Variants in KCNMB2 observed in about 807,000 individuals in gnomAD.
KCNMB2 encodes calcium-activated potassium channel subunit beta-2.
A neutral mutation model predicts 24.5 loss-of-function variants in KCNMB2; 9 were observed. That is an observed-to-expected ratio of 0.37 (90% CI 0.22 to 0.64). The LOEUF (loss-of-function observed/expected upper bound fraction) is 0.64. KCNMB2 is among the 30% of genes least tolerant of loss of function. The pLI is 0.63. For missense variants in KCNMB2, 226 were observed against 284.3 expected, an observed-to-expected ratio of 0.79 and a Z score of 1.47; for synonymous variants, 109 against 104.4, an observed-to-expected ratio of 1.04 and a Z score of -0.27.
intron 1 of KCNMB2, among the ~76,000 whole-genome samples, chr3:178,568,769 TAGATGATA>T (rs1188794963): frequency 3.9e-5 from 5 of 127,652 alleles, no homozygotes; most frequent in Admixed American, 3.0e-4. Context: ...GATAGATAGA[TAGATGATA>T]GATAGATAGA....
rs145783780 is a variant in KCNMB2, at chr3:178,831,137, G to A, written c.423+2764G>A. Among the ~76,000 whole-genome samples, 1,081 of 151,948 alleles carry A rather than the reference G, an allele frequency of 7.1e-3. 10 individuals are homozygous for A. Among genetic ancestry groups the A allele is most frequent in the Admixed American group, 0.024 (367 of 15,244 alleles). Reference sequence around the variant, plus strand: ...TTTGTTTTTTCATATGGACACCCACGTGCTCCAGTCCATTTTTGAAGAGAT... The same window carrying A: ...TTTGTTTTTTCATATGGACACCCACATGCTCCAGTCCATTTTTGAAGAGAT... On this transcript the variant is annotated intron_variant, in intron 4 of 4. Coordinates refer to ENST00000452583, the MANE Select transcript of KCNMB2 (RefSeq NM_181361.3).
chr3:178,611,309 G>A (rs1299897667), intron 1 of KCNMB2, among the ~76,000 whole-genome samples: 1 of 152,084 alleles, frequency 6.6e-6, no homozygotes, highest in Non-Finnish European at 1.5e-5. Flanking sequence ...AGTATCAGTT[G>A]TAATACCTTC....
At chr3:178,651,722 T>A (rs1720128379) in intron 1 of KCNMB2, among the ~76,000 whole-genome samples, 1 of 151,934 alleles carries the variant, frequency 6.6e-6, no homozygotes, top group South Asian at 2.1e-4. Flanking sequence ...CCAAAACAGA[T>A]AAATAGAACA....
intron 2 of KCNMB2, among the ~76,000 whole-genome samples, chr3:178,817,842 G>A (rs558831457): frequency 6.6e-6 from 1 of 152,116 alleles, no homozygotes. Context: ...TATGCTTGTT[G>A]TAGCCAGTCT....
At chr3:178,766,637 T>G (rs149322092) in intron 1 of KCNMB2, among the ~76,000 whole-genome samples, 1 of 152,260 alleles carries the variant, frequency 6.6e-6, no homozygotes, top group African/African-American at 2.4e-5. Flanking sequence ...CCCAACTAGA[T>G]TTTAAGTGTT....
At chr3:178,691,087 A>G (rs565062423) in intron 1 of KCNMB2, among the ~76,000 whole-genome samples, 3 of 121,342 alleles carry the variant, frequency 2.5e-5, no homozygotes, top group Non-Finnish European at 5.2e-5. Context: ...ACAGGTGTAC[A>G]GCATAATTCC....
intron 1 of KCNMB2, among the ~76,000 whole-genome samples, chr3:178,779,621 A>G (rs564478833): frequency 4.6e-5 from 7 of 152,236 alleles, no homozygotes; most frequent in African/African-American, 1.4e-4. Flanking sequence ...CTCAGTATCA[A>G]TTTTGCTGAC....
Position 178,776,109 on chromosome 3 carries a change from T to C in KCNMB2, c.-67-31234T>C, listed in dbSNP as rs115192317. On this transcript the variant is annotated intron_variant, in intron 1 of 4. Coordinates refer to ENST00000452583, the MANE Select transcript of KCNMB2 (RefSeq NM_181361.3). The stretch of plus-strand genomic sequence containing the variant: ...TTTCCCCAAGTGTCTTCTTTGTCAT[T>C]TTCTTTACCTTTCCCAACCACTCCC... Among the ~76,000 whole-genome samples, 717 of 152,230 alleles carry C rather than the reference T, an allele frequency of 4.7e-3. 4 individuals are homozygous for C. The highest frequency in any genetic ancestry group is 0.016 in the African/African-American group (675 of 41,522).
intron 1 of KCNMB2, among the ~76,000 whole-genome samples, chr3:178,644,771 A>G (rs547402578): frequency 6.6e-6 from 1 of 152,338 alleles, no homozygotes; most frequent in South Asian, 2.1e-4. Context: ...GCGAACTTGG[A>G]GTCACACAAT....
chr3:178,741,335 A>G (rs1351599401), intron 1 of KCNMB2, among the ~76,000 whole-genome samples: 1 of 152,236 alleles, frequency 6.6e-6, no homozygotes, highest in Non-Finnish European at 1.5e-5. Context: ...CACCTAGCAC[A>G]CTGTATGGCT....
chr3:178,695,525 A>T (rs572551697), intron 1 of KCNMB2, among the ~76,000 whole-genome samples: 5 of 152,084 alleles, frequency 3.3e-5, no homozygotes, highest in African/African-American at 1.2e-4. Flanking sequence ...GCTGCTTGTA[A>T]ATTTCTTCCT....
chr3:178,568,887 GAT>G (rs1716663098), intron 1 of KCNMB2, among the ~76,000 whole-genome samples: 1 of 147,230 alleles, frequency 6.8e-6, no homozygotes, highest in Non-Finnish European at 1.5e-5. Context: ...TAGATAGATA[GAT>G]AGATAGATAG....
chr3:178,719,844 C>G (rs935746769), intron 1 of KCNMB2, among the ~76,000 whole-genome samples: 9 of 151,988 alleles, frequency 5.9e-5, no homozygotes, highest in Non-Finnish European at 1.3e-4. Flanking sequence ...CTCTCAATTC[C>G]CTCAAATTCC....
At chr3:178,607,954 T>C (rs938294992) in intron 1 of KCNMB2, among the ~76,000 whole-genome samples, 2 of 152,146 alleles carry the variant, frequency 1.3e-5, no homozygotes, top group Non-Finnish European at 2.9e-5. Flanking sequence ...TAAGTAAAAT[T>C]TTAATGTTTA....
chr3:178,841,075 C>T (rs1373877545), intron 4 of KCNMB2, among the ~76,000 whole-genome samples: 1 of 152,216 alleles, frequency 6.6e-6, no homozygotes, highest in East Asian at 1.9e-4. Flanking sequence ...CTCTTGAATG[C>T]TTTGCTGGTT....
chr3:178,662,503 T>G (rs1720567700), intron 1 of KCNMB2, among the ~76,000 whole-genome samples: 1 of 152,138 alleles, frequency 6.6e-6, no homozygotes. Context: ...TTCACACCAT[T>G]ATGGTCTTAT....
chr3:178,743,158 A>G (rs1723551049), intron 1 of KCNMB2, among the ~76,000 whole-genome samples: 2 of 152,196 alleles, frequency 1.3e-5, no homozygotes, highest in South Asian at 4.1e-4. Context: ...CCCTGTGACC[A>G]TATCATGTAA....
intron 2 of KCNMB2, among the ~76,000 whole-genome samples, chr3:178,817,271 T>G (rs1163110948): frequency 6.9e-6 from 1 of 144,026 alleles, no homozygotes; most frequent in Non-Finnish European, 1.5e-5. Flanking sequence ...AAAAACACAT[T>G]GCTCCTGATG....
chr3:178,754,847 G>A (rs1205542268), intron 1 of KCNMB2, among the ~76,000 whole-genome samples: 2 of 152,146 alleles, frequency 1.3e-5, no homozygotes, highest in Non-Finnish European at 2.9e-5. Context: ...CAGCTTTACA[G>A]ACAGCTTGTT....
Sources: gnomAD v4.1 joint callset for allele counts (sites outside exome capture counted in the v4.1 genomes callset) on GRCh38, gnomAD v4.1.1 for gene constraint, MANE v1.5 for transcripts, NCBI Gene and HGNC (gene_info 2026-07-23, HGNC 2026-07-21) for gene names.